Variants in SRRM4 observed in about 807,000 individuals in gnomAD.
SRRM4 encodes serine/arginine repetitive matrix protein 4.
SRRM4 carries 33 observed loss-of-function variants against 68.9 expected under a neutral mutation model. That is an observed-to-expected ratio of 0.48 (90% CI 0.36 to 0.64). SRRM4 has a LOEUF of 0.64. Ranked by LOEUF, SRRM4 falls within the 30% of genes least tolerant of loss-of-function variation. The probability of loss-of-function intolerance (pLI) is 0.00; values close to 1 mark genes in which losing one functional copy is unlikely to be tolerated. For synonymous variants in SRRM4, 318 were observed against 318.8 expected, an observed-to-expected ratio of 1.00 and a Z score of 0.03; for missense variants, 817 against 827.1, an observed-to-expected ratio of 0.99 and a Z score of 0.15.
chr12:118,981,687 C>A lies in SRRM4; in HGVS notation c.-196C>A. ...ACCCAGAAGGGCGAAGAAAGCCCAG[C>A]GGACGAGCCTCCTTTCTCTGCTGCC... On this transcript the variant is annotated 5_prime_UTR_variant, in exon 1 of 13. Transcript: ENST00000267260. 1 of 602,240 alleles carries A rather than the reference C, an allele frequency of 1.7e-6. No homozygotes were observed. The highest frequency in any genetic ancestry group is 2.2e-5 in the South Asian group (1 of 44,912). 37.3% of individuals were successfully genotyped at this position (602,240 alleles called of 1,614,324 possible). A position where few individuals can be genotyped will look rare whatever the true frequency, so the allele number is the denominator to read the frequency against.
chr12:119,147,268 T>C (rs111535963), intron 9 of SRRM4, among the ~76,000 whole-genome samples: 2,450 of 152,148 alleles, frequency 0.016, 74 homozygotes, highest in African/African-American at 0.056. Context: ...GGCAAAACTA[T>C]GGAGAAAGTA....
rs554606501 is a variant in SRRM4, at chr12:119,089,933, C to A, written c.132-12303C>A. On this transcript the variant is annotated intron_variant, in intron 1 of 12. Transcript: ENST00000267260. ...AATATTAACATCTCTGATAACATTTCCCATTCTCAGATGGGAAAACTAAGT... is the reference window on the plus strand; with the variant it reads ...AATATTAACATCTCTGATAACATTTACCATTCTCAGATGGGAAAACTAAGT... Among the ~76,000 whole-genome samples, 4 of 152,270 alleles carry A rather than the reference C, an allele frequency of 2.6e-5. No homozygotes were observed. In the South Asian group the frequency reaches 8.3e-4, roughly 32 times the overall value.
At chr12:119,110,891 C>T (rs1463363889) in intron 2 of SRRM4, among the ~76,000 whole-genome samples, 1 of 152,214 alleles carries the variant, frequency 6.6e-6, no homozygotes, top group African/African-American at 2.4e-5. Flanking sequence ...AATCACCCGT[C>T]TTCTGCATCA....
At chr12:119,020,937 AGAGGGCGCTGTAGAGGCAGCG>A (rs1565890820) in intron 1 of SRRM4, among the ~76,000 whole-genome samples, 5 of 152,196 alleles carry the variant, frequency 3.3e-5, no homozygotes, top group African/African-American at 1.2e-4. Context: ...TCTCGCCCGT[AGAGGGCGCTGTAGAGGCAGCG>A]GGAAAGTGAT....
intron 2 of SRRM4, among the ~76,000 whole-genome samples, chr12:119,113,147 G>A (rs1179697199): frequency 6.6e-6 from 1 of 152,150 alleles, no homozygotes; most frequent in African/African-American, 2.4e-5. Context: ...ATTCTTATTT[G>A]CTGAAGATAG....
intron 1 of SRRM4, among the ~76,000 whole-genome samples, chr12:118,986,686 A>T (rs567655019): frequency 6.6e-6 from 1 of 152,152 alleles, no homozygotes; most frequent in Non-Finnish European, 1.5e-5. Flanking sequence ...GCAAGTAGAC[A>T]TGTTAGCCAG....
intron 1 of SRRM4, among the ~76,000 whole-genome samples, 164 bp from the exon 2 acceptor site, chr12:119,102,072 A>T (rs1165008666): frequency 6.6e-6 from 1 of 152,210 alleles, no homozygotes; most frequent in African/African-American, 2.4e-5. Flanking sequence ...TGGAAATTAC[A>T]TGTGTTCCCT....
In SRRM4 at chr12:118,982,004, C is replaced by T. The variant is rs1185857195; in HGVS notation, c.122C>T (p.Pro41Leu). Reference sequence around the variant, plus strand: ...GTCGCCAGTATCACGGCCCGCAAGCCGCTGCCAAGGTAATGATCTCCTTCT... The same window carrying T: ...GTCGCCAGTATCACGGCCCGCAAGCTGCTGCCAAGGTAATGATCTCCTTCT... ...IIVASITARK[P>L]LPRTEPQNNP... is the part of the protein sequence containing the mutation. Residue 41 changes from proline to leucine, a missense_variant, in exon 1 of 13, where the codon CCG becomes CTG. Transcript: ENST00000267260. 2 of 1,609,960 alleles carry T rather than the reference C, an allele frequency of 1.2e-6. No individual in the cohort carries two copies. The highest frequency in any genetic ancestry group is 1.3e-5 in the African/African-American group (1 of 74,862).
At chr12:119,084,833 G>C (rs1213673886) in intron 1 of SRRM4, among the ~76,000 whole-genome samples, 1 of 152,158 alleles carries the variant, frequency 6.6e-6, no homozygotes, top group Admixed American at 6.5e-5. Context: ...ATTGAAATCT[G>C]AAAAATGGGC....
rs1954522124 is a variant in SRRM4, at chr12:119,162,632, TTC to T, written c.*5840_*5841del. On this transcript the variant is annotated 3_prime_UTR_variant, in exon 13 of 13. Coordinates refer to ENST00000267260, the MANE Select transcript of SRRM4 (RefSeq NM_194286.4). ...CTCCGGGGTCCTGTGCTATAAGAAC[TTC>T]TCTCTGCACTGTATTTTTTTTTCTC... 6.6e-6 allele frequency: 1 copy of T among 152,164 alleles called. No individual in the cohort carries two copies. The highest frequency in any genetic ancestry group is 2.1e-4 in the South Asian group (1 of 4,830). The allele number at this position is 152,164 out of a possible 1,614,324, so 9.4% of individuals were successfully genotyped here.
chr12:119,029,436 A>C (rs1027408650), intron 1 of SRRM4, among the ~76,000 whole-genome samples: 1 of 152,186 alleles, frequency 6.6e-6, no homozygotes, highest in Admixed American at 6.5e-5. Context: ...CCAAGCTAAT[A>C]ATGTGCTAGA....
rs368019835 is a variant in SRRM4, at chr12:119,012,666, A to C, written c.131+30653A>C. On this transcript the variant is annotated intron_variant, in intron 1 of 12. Coordinates refer to ENST00000267260, the MANE Select transcript of SRRM4 (RefSeq NM_194286.4). The stretch of plus-strand genomic sequence containing the variant: ...AGGGCACTCCTGCTCTCTGAGCCAA[A>C]TTCTTCCTTCAGCCACATGTGGTCT... 3.9e-5 allele frequency among the ~76,000 whole-genome samples: 6 copies of C among 152,202 alleles called. No individual in the cohort carries two copies. The South Asian group carries it at 6.2e-4, about 16-fold the overall frequency.
intron 7 of SRRM4, among the ~76,000 whole-genome samples, chr12:119,127,066 G>A (rs1954265603): frequency 7.1e-6 from 1 of 141,580 alleles, no homozygotes; most frequent in African/African-American, 2.7e-5. Flanking sequence ...TTGTGGGGTT[G>A]GGGGACGGGG....
At chr12:119,128,419 C>T (rs1954274086) in intron 7 of SRRM4, among the ~76,000 whole-genome samples, 1 of 152,174 alleles carries the variant, frequency 6.6e-6, no homozygotes, top group African/African-American at 2.4e-5. Context: ...AACAAAGCTC[C>T]AGATCTGTAA....
rs370181611 is a variant in SRRM4, at chr12:118,981,866, G to A, written c.-17G>A. ...TTTGGACAGCGCCCCGGACGCCCCG[G>A]CCCCTTTGGGTTGGCGATGGCGAGC... On this transcript the variant is annotated 5_prime_UTR_variant, in exon 1 of 13. Transcript: ENST00000267260. The A allele has an allele frequency of 1.1e-5, 17 of 1,611,854 alleles. No individual in the cohort carries two copies. The highest frequency in any genetic ancestry group is 1.7e-5 in the Admixed American group (1 of 59,816).
At chr12:119,062,239 C>T (rs1953817266) in intron 1 of SRRM4, among the ~76,000 whole-genome samples, 2 of 152,136 alleles carry the variant, frequency 1.3e-5, no homozygotes, top group Non-Finnish European at 2.9e-5. Context: ...CTGTATAGGG[C>T]ACTTGCTGGA....
At chr12:119,027,247 A>G (rs1953554636) in intron 1 of SRRM4, among the ~76,000 whole-genome samples, 1 of 152,210 alleles carries the variant, frequency 6.6e-6, no homozygotes, top group Admixed American at 6.5e-5. Flanking sequence ...GTGATCCTGT[A>G]TTTCTCTATG....
chr12:119,019,949 TC>T (rs200015673), intron 1 of SRRM4, among the ~76,000 whole-genome samples: 4,325 of 43,270 alleles, frequency 0.1, 107 homozygotes, highest in East Asian at 0.27. Flanking sequence ...TTCCCCCCGC[TC>T]CCCCCCCCCC....
chr12:118,985,274 C>T (rs1298120391), intron 1 of SRRM4, among the ~76,000 whole-genome samples: 1 of 152,094 alleles, frequency 6.6e-6, no homozygotes, highest in African/African-American at 2.4e-5. Context: ...CTGACTGTTT[C>T]AGTTAGGGGG....
Sources: gnomAD v4.1 joint callset for allele counts (sites outside exome capture counted in the v4.1 genomes callset) on GRCh38, gnomAD v4.1.1 for gene constraint, MANE v1.5 for transcripts, NCBI Gene and HGNC (gene_info 2026-07-23, HGNC 2026-07-21) for gene names.